ANO7: variants seen among roughly 807,000 people sequenced by gnomAD.
ANO7 encodes anoctamin 7.
ANO7 carries 114 observed loss-of-function variants against 115.8 expected under a neutral mutation model. The ratio of observed to expected loss-of-function variants is 0.98; its 90% confidence interval spans 0.85 to 1.15. The LOEUF (loss-of-function observed/expected upper bound fraction) is 1.15, where lower values mean the gene tolerates loss of function less well. Ranked by LOEUF, ANO7 falls within the 50% of genes most tolerant of loss-of-function variation. The pLI is 0.00. For synonymous variants in ANO7, 550 were observed against 498.2 expected (o/e 1.10, Z -1.38); for missense variants, 1,302 against 1,201.2 (o/e 1.08, Z -1.24).
Position 241,225,566 on chromosome 2 carries a change from C to CT in ANO7, c.*1416dup, listed in dbSNP as rs1317223024. ...AAAAAGAATATGTGGTTTTAATGTG[C>CT]TTTGATGAGTACTGCCAAACTTACT... is the stretch of plus-strand genomic sequence containing the variant. On this transcript the variant is annotated 3_prime_UTR_variant, in exon 25 of 25. Coordinates refer to ENST00000674324, the MANE Select transcript of ANO7 (RefSeq NM_001370694.2). Among the ~76,000 whole-genome samples the CT allele has an allele frequency of 2.0e-5, 3 of 152,288 alleles. No individual in the cohort carries two copies. The East Asian group carries it at 5.8e-4, about 29-fold the overall frequency.
intron 21 of ANO7, among the ~76,000 whole-genome samples, chr2:241,221,965 G>C (rs1026318305): frequency 8.5e-5 from 13 of 152,108 alleles, no homozygotes; most frequent in African/African-American, 3.1e-4. Flanking sequence ...CCGGGCGCGG[G>C]GGCTCATGCC....
intron 21 of ANO7, among the ~76,000 whole-genome samples, chr2:241,220,707 GGA>G (rs1051134566): frequency 2.0e-5 from 3 of 152,250 alleles, no homozygotes; most frequent in Admixed American, 6.5e-5. Context: ...GGCTGAGGCG[GGA>G]GAATGGCGTG....
chr2:241,229,534 T>G, downstream of ANO7: 3 of 1,199,764 alleles, frequency 2.5e-6, no homozygotes, highest in Non-Finnish European at 3.7e-6. Flanking sequence ...TGGGTCAGAT[T>G]GAGACAAACC....
chr2:241,195,626 G>A, intron 3 of ANO7, 77 bp from the exon 4 acceptor site: 1 of 1,445,576 alleles, frequency 6.9e-7, no homozygotes, highest in Non-Finnish European at 9.5e-7. Flanking sequence ...CGTCCCGGCT[G>A]GGATGCTGGC....
At chr2:241,230,435 G>GT (rs1258211143), downstream of ANO7, among the ~76,000 whole-genome samples, 23 of 152,374 alleles carry the variant, frequency 1.5e-4, no homozygotes, top group Non-Finnish European at 2.8e-4. This position sits in a 1 kb window ranked among gnomAD's most constrained non-coding sequence, Gnocchi z 5.0. Context: ...CAAGTTAGGT[G>GT]TATCTCAGGA....
At chr2:241,190,263 G>T in intron 2 of ANO7, 92 bp downstream of exon 2, 12 of 1,119,954 alleles carry the variant, frequency 1.1e-5, no homozygotes, top group Non-Finnish European at 1.5e-5. Flanking sequence ...CTCTGGGGGT[G>T]GATGGGCATC....
In ANO7 at chr2:241,209,579, C is replaced by T; in HGVS notation, c.1303C>T (p.Pro435Ser). The T allele has an allele frequency of 6.2e-7, 1 of 1,603,540 alleles. No individual in the cohort carries two copies. Among genetic ancestry groups the T allele is most frequent in the East Asian group, 2.2e-5 (1 of 44,774 alleles). ...PITGEDEPYF[P>S]ERSRARRMLA... ...CACGGGTGAGGACGAGCCCTACTTCCCTGAGAGGAGCCGCGCGCGCCGCAT... is the reference window on the plus strand; with the variant it reads ...CACGGGTGAGGACGAGCCCTACTTCTCTGAGAGGAGCCGCGCGCGCCGCAT... Residue 435 changes from proline to serine, a missense_variant, in exon 13 of 25, where the codon CCT (proline) becomes TCT (serine). Transcript: ENST00000674324.
intron 3 of ANO7, among the ~76,000 whole-genome samples, chr2:241,191,776 T>TA (rs1183784114): frequency 1.4e-5 from 2 of 145,954 alleles, no homozygotes; most frequent in Non-Finnish European, 3.0e-5. Flanking sequence ...GGCTACTACT[T>TA]AAAAAAAATC....
chr2:241,237,406 A>G, the ANO7 span, among the ~76,000 whole-genome samples: 1 of 152,184 alleles, frequency 6.6e-6, no homozygotes, highest in Non-Finnish European at 1.5e-5. Context: ...TAGACACCAC[A>G]ACAATAAGTG....
In ANO7 at chr2:241,218,350, T is replaced by C; in HGVS notation, c.2290T>C (p.Ser764Pro). 1 of 1,480,818 alleles carries C rather than the reference T, an allele frequency of 6.8e-7. No homozygotes were observed. The allele number at this position is 1,480,818 out of a possible 1,614,324, so 91.7% of individuals were successfully genotyped here. Residue 764 changes from serine to proline, a missense_variant, in exon 21 of 25, where the codon TCC (serine) becomes CCC (proline). Coordinates refer to ENST00000674324, the MANE Select transcript of ANO7 (RefSeq NM_001370694.2). ...CTTCACGCTGGCGCGAGCCCCGTCCTCCTTCGCCGCCGCGCACAACCGCAC... is the reference window on the plus strand; with the variant it reads ...CTTCACGCTGGCGCGAGCCCCGTCCCCCTTCGCCGCCGCGCACAACCGCAC... ...LNFTLARAPS[S>P]FAAAHNRTCR...
the ANO7 span, among the ~76,000 whole-genome samples, chr2:241,232,900 A>C: frequency 6.6e-6 from 1 of 152,052 alleles, no homozygotes. Flanking sequence ...GAGCTGGAGG[A>C]GGCAGGGTGC....
rs200984740 is a variant in ANO7, at chr2:241,207,674, C to G, written c.1077+4C>G. 2.7e-5 allele frequency: 43 copies of G among 1,613,162 alleles called. No individual in the cohort carries two copies. Among genetic ancestry groups the G allele is most frequent in the Non-Finnish European group, 3.4e-5 (40 of 1,179,870 alleles). The stretch of plus-strand genomic sequence containing the variant: ...CAGCGCCTGTGCCCTGGCCCAGGTA[C>G]GAGAAGAGGTGGGTGGGGTAAGGGA... On this transcript the variant is annotated splice_donor_region_variant and intron_variant, in intron 11 of 24. Coordinates refer to ENST00000674324, the MANE Select transcript of ANO7 (RefSeq NM_001370694.2).
chr2:241,229,868 G>C, downstream of ANO7: 1 of 1,466,190 alleles, frequency 6.8e-7, no homozygotes, highest in Non-Finnish European at 9.2e-7. Flanking sequence ...GGTGCGTCCC[G>C]CACCACAAAG....
At chr2:241,189,981 A>T in intron 1 of ANO7, 76 bp from the exon 2 acceptor site, 1 of 1,140,924 alleles carries the variant, frequency 8.8e-7, no homozygotes, top group Non-Finnish European at 1.3e-6. Flanking sequence ...CACTGCAGGC[A>T]GTGTGGTGGC....
Position 241,210,580 on chromosome 2 carries a change from C to T in ANO7, c.1561+10C>T. 1 of 1,611,936 alleles carries T rather than the reference C, an allele frequency of 6.2e-7. No homozygotes were observed. Among genetic ancestry groups the T allele is most frequent in the Non-Finnish European group, 8.5e-7 (1 of 1,178,794 alleles). Reference sequence around the variant, plus strand: ...GTCCTGACACGATGGGGTGAGTGGGCTGAGGCCGGCCAGGCACTGACCAGG... The same window carrying T: ...GTCCTGACACGATGGGGTGAGTGGGTTGAGGCCGGCCAGGCACTGACCAGG... On this transcript the variant is annotated intron_variant, in intron 15 of 24. Transcript: ENST00000674324.
chr2:241,209,453 G>T, intron 12 of ANO7, 25 bp downstream of exon 12: 2 of 1,599,758 alleles, frequency 1.3e-6, no homozygotes, highest in Non-Finnish European at 1.7e-6. Flanking sequence ...CTGGACCACG[G>T]TCACACCCGG....
chr2:241,217,577 C>T, intron 19 of ANO7, 109 bp from the exon 20 acceptor site: 1 of 1,270,270 alleles, frequency 7.9e-7, no homozygotes, highest in Non-Finnish European at 1.1e-6. Context: ...GAATGAGCCG[C>T]GATGGGGTGG....
chr2:241,234,349 T>C, the ANO7 span, among the ~76,000 whole-genome samples: 1 of 152,192 alleles, frequency 6.6e-6, no homozygotes, highest in African/African-American at 2.4e-5. Flanking sequence ...CTGGGGCAGA[T>C]GCAGACCAAG....
chr2:241,210,523 T>G lies in ANO7; in HGVS notation c.1514T>G (p.Ile505Ser), dbSNP rs2068698211. 6.2e-7 allele frequency: 1 copy of G among 1,613,832 alleles called. No individual in the cohort carries two copies. Among genetic ancestry groups the G allele is most frequent in the Admixed American group, 1.7e-5 (1 of 60,006 alleles). ...GSVVNLVFIL[I>S]LSKIYVSLAH... is the part of the protein sequence containing the mutation. ...GTAGTGAACCTCGTCTTCATCCTCA[T>G]CCTCTCCAAGATCTATGTATCCCTG... is the stretch of plus-strand genomic sequence containing the variant. The change falls in exon 15 of 25, where the codon ATC becomes AGC. Residue 505 changes from isoleucine to serine, a missense_variant. Transcript: ENST00000674324.
Sources: gnomAD v4.1 joint callset for allele counts (sites outside exome capture counted in the v4.1 genomes callset) on GRCh38, gnomAD v4.1.1 for gene constraint, Gnocchi (gnomAD v3.1) non-coding constraint, MANE v1.5 for transcripts, NCBI Gene and HGNC (gene_info 2026-07-23, HGNC 2026-07-21) for gene names.